The following VTI1B variants were observed in gnomAD, a reference collection of about 807,000 sequenced individuals.
VTI1B encodes the protein vesicle transport through interaction with t-SNAREs homolog 1B.
VTI1B carries 18 observed loss-of-function variants against 28.6 expected under a neutral mutation model. The observed-to-expected ratio is 0.63, with a 90% CI of 0.43 to 0.93. VTI1B has a LOEUF of 0.93. Among genes scored for constraint, VTI1B ranks in the 40% least tolerant of loss-of-function variants. The pLI is 0.00. For missense variants in VTI1B, 283 were observed against 297.0 expected, an observed-to-expected ratio of 0.95 and a Z score of 0.35; for synonymous variants, 100 against 107.9, an observed-to-expected ratio of 0.93 and a Z score of 0.46.
chr14:67,674,323 T>G (rs1182974070), intron 1 of VTI1B, 52 bp downstream of exon 1: 1 of 1,468,368 alleles, frequency 6.8e-7, no homozygotes, highest in Admixed American at 2.5e-5. Flanking sequence ...GAATCTTCCT[T>G]CCAAAGCGCG....
chr14:67,665,430 C>G (rs946822829), intron 1 of VTI1B, among the ~76,000 whole-genome samples: 1 of 151,854 alleles, frequency 6.6e-6, no homozygotes, highest in Non-Finnish European at 1.5e-5. Context: ...GGTTACCACA[C>G]ACAGCTAATT....
chr14:67,653,553 T>G, intron 4 of VTI1B, 55 bp from the exon 5 acceptor site: 1 of 1,487,660 alleles, frequency 6.7e-7, no homozygotes, highest in Non-Finnish European at 9.3e-7. Context: ...CTCTGTACAA[T>G]TGAATATCCC....
At position 67,659,604 on chromosome 14, in the gene VTI1B, AGG is replaced by A. The variant is rs1049909706; in HGVS notation, c.366+125_366+126del. The stretch of plus-strand genomic sequence containing the variant: ...GGAACTGGATGCAGAAAAGAGGATA[AGG>A]GTGAAAAAAATGAAACAAGAGTCTA... On this transcript the variant is annotated intron_variant, in intron 3 of 5. Coordinates refer to ENST00000554659, the MANE Select transcript of VTI1B (RefSeq NM_006370.3). 6.3e-5 allele frequency: 60 copies of A among 953,706 alleles called. No homozygotes were observed. In the African/African-American group the frequency reaches 9.9e-4, roughly 16 times the overall value. The allele number at this position is 953,706 out of a possible 1,614,324, so 59.1% of individuals were successfully genotyped here. A position where few individuals can be genotyped will look rare whatever the true frequency, so the allele number is the denominator to read the frequency against.
At chr14:67,666,176 C>G (rs2037400212) in intron 1 of VTI1B, among the ~76,000 whole-genome samples, 1 of 152,214 alleles carries the variant, frequency 6.6e-6, no homozygotes, top group Admixed American at 6.5e-5. Context: ...CATTCCCTTC[C>G]TAGCTCCTTC....
At chr14:67,662,590 AG>A in intron 1 of VTI1B, 55 bp from the exon 2 acceptor site, 1 of 1,492,454 alleles carries the variant, frequency 6.7e-7, no homozygotes, top group Non-Finnish European at 9.2e-7. Context: ...ACATTTGTAA[AG>A]GCCATTCCCT....
chr14:67,672,690 G>C (rs892763738), intron 1 of VTI1B, among the ~76,000 whole-genome samples: 2 of 151,632 alleles, frequency 1.3e-5, no homozygotes, highest in African/African-American at 4.8e-5. Flanking sequence ...TGATCCGCCC[G>C]CCTCGGCTTC....
rs775712860 is a variant in VTI1B at position 67,650,867 on chromosome 14, C to A, written c.*518G>T. ...AGGGCATATTGTCTATGACCAACTT[C>A]CTACTCCCAGTTCACCAGATGAATC... On this transcript the variant is annotated 3_prime_UTR_variant, in exon 6 of 6. Coordinates refer to ENST00000554659, the MANE Select transcript of VTI1B (RefSeq NM_006370.3). 16 of 1,614,094 alleles carry A rather than the reference C, an allele frequency of 9.9e-6. No homozygotes were observed. Among genetic ancestry groups the A allele is most frequent in the Non-Finnish European group, 1.2e-5 (14 of 1,180,030 alleles).
chr14:67,664,333 G>A (rs2037374965), intron 1 of VTI1B, among the ~76,000 whole-genome samples: 1 of 152,038 alleles, frequency 6.6e-6, no homozygotes, highest in South Asian at 2.1e-4. Context: ...ACCATTAAGT[G>A]GAATCATACA....
chr14:67,674,112 C>T (rs1353383936), intron 1 of VTI1B, among the ~76,000 whole-genome samples: 2 of 152,172 alleles, frequency 1.3e-5, no homozygotes, highest in African/African-American at 2.4e-5. Flanking sequence ...ATGCAAAAGC[C>T]CCTCTGCTCT....
At chr14:67,661,685 C>A (rs1283575350) in intron 2 of VTI1B, among the ~76,000 whole-genome samples, 1 of 151,780 alleles carries the variant, frequency 6.6e-6, no homozygotes, top group African/African-American at 2.4e-5. Flanking sequence ...GCATGCACCA[C>A]CAAACCTCGG....
At chr14:67,667,287 C>T (rs10148493) in intron 1 of VTI1B, among the ~76,000 whole-genome samples, 147,765 of 152,306 alleles carry the variant, frequency 0.97, 71,813 homozygotes, top group East Asian at 1. Context: ...GTTGTGGAAA[C>T]AACTTCAGTT....
intron 5 of VTI1B, chr14:67,652,193 T>C (rs367843072): frequency 2.6e-5 from 4 of 152,378 alleles, no homozygotes; most frequent in African/African-American, 9.6e-5. Context: ...CCTGGATTTG[T>C]TGCTGTTAGC....
In VTI1B at chr14:67,648,237, G is replaced by C; in HGVS notation, c.*3148C>G. 6.5e-7 allele frequency: 1 copy of C among 1,550,066 alleles called. No individual in the cohort carries two copies. The highest frequency in any genetic ancestry group is 2.3e-5 in the East Asian group (1 of 43,734). On this transcript the variant is annotated 3_prime_UTR_variant, in exon 6 of 6. Transcript: ENST00000554659. ...TAACTACATAGGTAAATATGCTAGA[G>C]TCTCTTGCCTGCAAAGGATCTTTTC...
At chr14:67,663,624 AG>A (rs1234732520) in intron 1 of VTI1B, among the ~76,000 whole-genome samples, 3 of 152,214 alleles carry the variant, frequency 2.0e-5, no homozygotes, top group Non-Finnish European at 4.4e-5. Flanking sequence ...CAGTGAGCCA[AG>A]ATTGTGCCAC....
intron 4 of VTI1B, among the ~76,000 whole-genome samples, chr14:67,655,459 T>C (rs888322552): frequency 2.6e-5 from 4 of 152,214 alleles, no homozygotes; most frequent in South Asian, 4.1e-4. Flanking sequence ...GATTTAAATA[T>C]TTGTTTTCTT....
intron 1 of VTI1B, among the ~76,000 whole-genome samples, chr14:67,673,722 T>C (rs1321049457): frequency 6.6e-6 from 1 of 152,228 alleles, no homozygotes. Flanking sequence ...AAATTCTATA[T>C]ATCCGGAGGC....
intron 1 of VTI1B, among the ~76,000 whole-genome samples, chr14:67,669,104 A>G (rs1325464340): frequency 6.6e-6 from 1 of 152,196 alleles, no homozygotes; most frequent in Non-Finnish European, 1.5e-5. Flanking sequence ...TGAAGTAGAT[A>G]CTATGATTTA....
intron 4 of VTI1B, among the ~76,000 whole-genome samples, 170 bp downstream of exon 4, chr14:67,656,245 CA>C (rs35058430): frequency 0.15 from 19,559 of 126,796 alleles, 1,238 homozygotes; most frequent in Admixed American, 0.17. Context: ...GACTCTATCT[CA>C]AAAAAAAAAA....
At position 67,656,502 on chromosome 14, in the gene VTI1B, T is replaced by C; in HGVS notation, c.454A>G (p.Ile152Val). Residue 152 changes from isoleucine (I) to valine (V), a missense_variant, in exon 4 of 6, where the codon ATT becomes GTT. By Grantham distance (29) the Ile-to-Val change is conservative (BLOSUM62 3). Transcript: ENST00000554659. ...ATQSIERSHR[I>V]ATETDQIGSE... ...CCAATCTGGTCAGTCTCTGTGGCAA[T>C]CCGATGAGAACGTTCAATACTTTGG... 1 of 1,613,990 alleles carries C rather than the reference T, an allele frequency of 6.2e-7. No individual in the cohort carries two copies. Among genetic ancestry groups the C allele is most frequent in the Non-Finnish European group, 8.5e-7 (1 of 1,179,892 alleles).
Sources: gnomAD v4.1 joint callset for allele counts (sites outside exome capture counted in the v4.1 genomes callset) on GRCh38, gnomAD v4.1.1 for gene constraint, MANE v1.5 for transcripts, NCBI Gene and HGNC (gene_info 2026-07-23, HGNC 2026-07-21) for gene names.